The following CIB4 variants were observed in gnomAD, a reference collection of about 807,000 sequenced individuals.
CIB4 encodes the protein calcium and integrin-binding family member 4.
CIB4 carries 25 observed loss-of-function variants against 25.8 expected under a neutral mutation model. The ratio of observed to expected loss-of-function variants is 0.97; its 90% confidence interval spans 0.71 to 1.35. CIB4 has a LOEUF of 1.35. Ranked by LOEUF, CIB4 falls within the 40% of genes most tolerant of loss-of-function variation. The pLI, the probability that CIB4 is intolerant of heterozygous loss-of-function variation, is 0.00. For synonymous variants in CIB4, 75 were observed against 81.4 expected (o/e 0.92, Z 0.42); for missense variants, 235 against 228.2 (o/e 1.03, Z -0.19).
chr2:26,626,436 A>G (rs1248443829), intron 3 of CIB4, among the ~76,000 whole-genome samples: 2 of 152,012 alleles, frequency 1.3e-5, no homozygotes, highest in Admixed American at 6.6e-5. Flanking sequence ...ATCCAAATCA[A>G]CATGTATATA....
At chr2:26,583,497 G>A (rs771098859) in intron 5 of CIB4, among the ~76,000 whole-genome samples, 3 of 152,084 alleles carry the variant, frequency 2.0e-5, no homozygotes, top group Non-Finnish European at 4.4e-5. Flanking sequence ...GAGGCCCCTC[G>A]AGTGGGTGGG....
rs1572540582 is a variant in CIB4, at chr2:26,589,114, T to TTCTTCTTCC, written c.329-5217_329-5216insGGAAGAAGA. On this transcript the variant is annotated intron_variant, in intron 4 of 6. Coordinates refer to ENST00000288861, the MANE Select transcript of CIB4 (RefSeq NM_001029881.3). ...CTTCTTCTTCTTCTTCTTCCTCTTC[T>TTCTTCTTCC]TCTTCTTCTTCTTCTTCTTCTTCTT... Among the ~76,000 whole-genome samples, 6 of 98,440 alleles carry TTCTTCTTCC rather than the reference T, an allele frequency of 6.1e-5. 1 individual carries two copies. In the East Asian group the frequency reaches 1.1e-3, roughly 18 times the overall value. 64.6% of individuals were successfully genotyped at this position (98,440 alleles called of 152,430 possible). A position where few individuals can be genotyped will look rare whatever the true frequency, so the allele number is the denominator to read the frequency against.
intron 3 of CIB4, among the ~76,000 whole-genome samples, chr2:26,607,212 T>C (rs758377684): frequency 3.9e-5 from 6 of 152,226 alleles, no homozygotes; most frequent in African/African-American, 1.2e-4. Flanking sequence ...TGGAGTCAGA[T>C]TGACTCTAAA....
intron 3 of CIB4, among the ~76,000 whole-genome samples, chr2:26,620,986 G>A (rs760957644): frequency 1.3e-5 from 2 of 151,954 alleles, no homozygotes; most frequent in Non-Finnish European, 2.9e-5. Context: ...TGAAAAGTAG[G>A]AGAGAAAAGA....
intron 3 of CIB4, among the ~76,000 whole-genome samples, chr2:26,621,215 G>C (rs541677156): frequency 2.4e-4 from 30 of 126,596 alleles, no homozygotes; most frequent in African/African-American, 8.8e-4. Context: ...GAATATCAGA[G>C]TAGTAAAATA....
At chr2:26,618,899 G>A (rs1669147786) in intron 3 of CIB4, among the ~76,000 whole-genome samples, 1 of 152,230 alleles carries the variant, frequency 6.6e-6, no homozygotes, top group South Asian at 2.1e-4. Context: ...AGGAGGGACT[G>A]TGCTTACTGG....
At chr2:26,629,581 G>T in intron 2 of CIB4, 75 bp from the exon 3 acceptor site, 1 of 997,756 alleles carries the variant, frequency 1.0e-6, no homozygotes, top group Non-Finnish European at 1.5e-6. Context: ...AAGGAGGCCA[G>T]CAAGCCTGTC....
At chr2:26,621,446 T>A (rs920197052) in intron 3 of CIB4, among the ~76,000 whole-genome samples, 2 of 152,102 alleles carry the variant, frequency 1.3e-5, no homozygotes, top group African/African-American at 2.4e-5. Flanking sequence ...GCACATGTTA[T>A]CCCAGCACTT....
At chr2:26,598,838 T>C (rs1668731365) in intron 3 of CIB4, among the ~76,000 whole-genome samples, 1 of 152,048 alleles carries the variant, frequency 6.6e-6, no homozygotes, top group Non-Finnish European at 1.5e-5. Flanking sequence ...GGGGCCCTGG[T>C]GGGGCAGCCT....
At chr2:26,609,842 A>G (rs1352313761) in intron 3 of CIB4, among the ~76,000 whole-genome samples, 2 of 152,232 alleles carry the variant, frequency 1.3e-5, no homozygotes, top group African/African-American at 4.8e-5. Flanking sequence ...AAACACAAAC[A>G]AAGTTCCGAA....
chr2:26,615,267 G>GC (rs1316513424), intron 3 of CIB4, among the ~76,000 whole-genome samples: 1 of 152,180 alleles, frequency 6.6e-6, no homozygotes, highest in Non-Finnish European at 1.5e-5. Context: ...TCCATCCCCT[G>GC]CCCCCAGACA....
At position 26,629,495 on chromosome 2, in the gene CIB4, G is replaced by T. The variant is rs185561931; in HGVS notation, c.101C>A (p.Thr34Asn). The change falls in exon 3 of 7, where the codon ACC becomes AAC. Residue 34 changes from threonine (T) to asparagine (N), a missense_variant. By Grantham distance (65) the Thr-to-Asn change is moderately conservative (BLOSUM62 0). Coordinates refer to ENST00000288861, the MANE Select transcript of CIB4 (RefSeq NM_001029881.3). The part of the protein sequence containing the change: ...TRNEILCIHD[T>N]FLKLCPPGKY... ...CCCAGGAGGGCAGAGCTTCAGGAAGGTGTCATGGATGCTGAAAAGAGAGGC... is the reference window on the plus strand; with the variant it reads ...CCCAGGAGGGCAGAGCTTCAGGAAGTTGTCATGGATGCTGAAAAGAGAGGC... 28 of 1,571,356 alleles carry T rather than the reference G, an allele frequency of 1.8e-5. No homozygotes were observed. Among genetic ancestry groups the T allele is most frequent in the Middle Eastern group, 3.3e-4 (2 of 6,006 alleles).
intron 3 of CIB4, among the ~76,000 whole-genome samples, chr2:26,597,769 A>C (rs1329183657): frequency 6.6e-6 from 1 of 151,824 alleles, no homozygotes; most frequent in Non-Finnish European, 1.5e-5. Flanking sequence ...ATTGCGGGGG[A>C]TTTGTGATCT....
At chr2:26,600,271 G>T (rs1668757780) in intron 3 of CIB4, among the ~76,000 whole-genome samples, 1 of 151,584 alleles carries the variant, frequency 6.6e-6, no homozygotes, top group South Asian at 2.1e-4. Context: ...CAGGCGTGGT[G>T]GTGAGCGCCT....
intron 3 of CIB4, among the ~76,000 whole-genome samples, chr2:26,600,945 C>T (rs1477772720): frequency 6.6e-6 from 1 of 151,904 alleles, no homozygotes; most frequent in African/African-American, 2.4e-5. Context: ...ATATCAAGAC[C>T]TAGGCTGGGA....
intron 3 of CIB4, among the ~76,000 whole-genome samples, chr2:26,602,043 G>A (rs1668801996): frequency 6.6e-6 from 1 of 152,106 alleles, no homozygotes; most frequent in South Asian, 2.1e-4. Flanking sequence ...AGGGTGCTGT[G>A]GTGCAGATAG....
At chr2:26,623,043 T>A (rs931521388) in intron 3 of CIB4, among the ~76,000 whole-genome samples, 2 of 151,870 alleles carry the variant, frequency 1.3e-5, no homozygotes, top group South Asian at 4.1e-4. Flanking sequence ...AAATTTTTTT[T>A]AATTAGAATA....
chr2:26,625,890 C>A (rs1357086651), intron 3 of CIB4, among the ~76,000 whole-genome samples: 1 of 152,206 alleles, frequency 6.6e-6, no homozygotes, highest in Non-Finnish European at 1.5e-5. Context: ...AATCTTTAAT[C>A]TATCTTGAGT....
At chr2:26,638,232 C>T (rs1197582267) in intron 2 of CIB4, among the ~76,000 whole-genome samples, 2 of 152,186 alleles carry the variant, frequency 1.3e-5, no homozygotes, top group Non-Finnish European at 2.9e-5. Flanking sequence ...CCCACCTCCC[C>T]AACACAACGC....
Sources: allele counts gnomAD v4.1 joint callset (sites outside exome capture counted in the v4.1 genomes callset), GRCh38; gene constraint gnomAD v4.1.1; transcripts MANE v1.5; gene names NCBI Gene and HGNC (gene_info 2026-07-23, HGNC 2026-07-21).